The following EVC variants were observed in gnomAD, a reference collection of about 807,000 sequenced individuals.
EVC encodes the protein EvC ciliary complex subunit 1, also known as evC complex member EVC.
A neutral mutation model predicts 118.9 loss-of-function variants in EVC; 116 were observed. The ratio of observed to expected loss-of-function variants is 0.98; its 90% CI spans 0.84 to 1.14. EVC has a LOEUF of 1.14. Ranked by LOEUF, EVC falls within the 50% of genes most tolerant of loss-of-function variation. EVC has a pLI of 0.00. For missense variants in EVC, 1,401 were observed against 1,246.4 expected, an observed-to-expected ratio of 1.12 and a Z score of -1.87; for synonymous variants, 619 against 534.7, an observed-to-expected ratio of 1.16 and a Z score of -2.18.
chr4:5,724,651 G>T (rs1725510754), intron 2 of EVC, among the ~76,000 whole-genome samples: 1 of 151,940 alleles, frequency 6.6e-6, no homozygotes, highest in Non-Finnish European at 1.5e-5. Flanking sequence ...TCTGTGGCAG[G>T]GTCCTTGGAA....
chr4:5,725,726 G>A (rs746468936), intron 2 of EVC, among the ~76,000 whole-genome samples: 7 of 151,962 alleles, frequency 4.6e-5, no homozygotes, highest in Non-Finnish European at 8.8e-5. Flanking sequence ...TAATTAGATC[G>A]CATTTGTCAG....
rs146706283 is a variant in EVC at position 5,731,505 on chromosome 4, C to T, written c.465C>T (p.Ala155=). The part of the protein sequence containing the change: ...QAVLPHQPVE[A]SPSSSLGSLS... ...TTTTGCCACACCAGCCGGTAGAGGCCTCTCCTTCCAGCAGTCTGGGGAGCC... is the reference window on the plus strand; with the variant it reads ...TTTTGCCACACCAGCCGGTAGAGGCTTCTCCTTCCAGCAGTCTGGGGAGCC... The change falls in exon 4 of 21, where the codon GCC becomes GCT. Residue 155 remains alanine, a synonymous_variant. Coordinates refer to ENST00000264956, the MANE Select transcript of EVC (RefSeq NM_153717.3). The surrounding 1 kb of genome is among the most constrained non-coding windows in gnomAD (Gnocchi z 5.6). 5 of 1,614,026 alleles carry T rather than the reference C, an allele frequency of 3.1e-6. No homozygotes were observed. Among genetic ancestry groups the T allele is most frequent in the African/African-American group, 2.7e-5 (2 of 74,898 alleles).
chr4:5,784,891 A>T (rs1223554992), intron 12 of EVC, among the ~76,000 whole-genome samples: 1 of 152,194 alleles, frequency 6.6e-6, no homozygotes, highest in Non-Finnish European at 1.5e-5. Flanking sequence ...TACAGGCATG[A>T]GCCACTGTGC....
intron 11 of EVC, among the ~76,000 whole-genome samples, chr4:5,759,441 A>T (rs1577466226): frequency 6.6e-6 from 1 of 152,054 alleles, no homozygotes; most frequent in Non-Finnish European, 1.5e-5. Context: ...CTGGGGTTCA[A>T]ATTCCCAGCC....
chr4:5,732,996 C>A (rs968628360), intron 4 of EVC, among the ~76,000 whole-genome samples: 3 of 152,148 alleles, frequency 2.0e-5, no homozygotes, highest in Non-Finnish European at 2.9e-5. Context: ...GGAGACAGAG[C>A]AAAACCCTAT....
chr4:5,811,143 C>G lies in EVC; in HGVS notation c.*106C>G. On this transcript the variant is annotated 3_prime_UTR_variant, in exon 21 of 21. Transcript: ENST00000264956. ...GCAGCGAGGACGGAGAGGACAGCGGCATCTCTAGGCTCTTCTGAGAGGGAC... is the reference window on the plus strand; with the variant it reads ...GCAGCGAGGACGGAGAGGACAGCGGGATCTCTAGGCTCTTCTGAGAGGGAC... The G allele has an allele frequency of 1.2e-6, 1 of 850,222 alleles. No individual in the cohort carries two copies. The highest frequency in any genetic ancestry group is 2.0e-6 in the Non-Finnish European group (1 of 510,344). The allele number at this position is 850,222 out of a possible 1,614,324, so 52.7% of individuals were successfully genotyped here.
the EVC span, chr4:5,824,667 G>A: frequency 1.0e-6 from 1 of 961,222 alleles, no homozygotes; most frequent in Non-Finnish European, 1.2e-6. Context: ...CATCCTAGAT[G>A]TTGACATCCT....
chr4:5,791,224 T>C (rs1488352353), intron 12 of EVC, among the ~76,000 whole-genome samples: 1 of 152,206 alleles, frequency 6.6e-6, no homozygotes, highest in Admixed American at 6.5e-5. Context: ...AAGGTGGTCC[T>C]GGAACACAGC....
intron 13 of EVC, among the ~76,000 whole-genome samples, chr4:5,794,504 G>A (rs560725336): frequency 4.6e-5 from 7 of 150,712 alleles, no homozygotes; most frequent in East Asian, 1.9e-4. Flanking sequence ...TCTGCCTCCC[G>A]GGTTCAAGTG....
chr4:5,807,839 C>T (rs1716175009), intron 17 of EVC, among the ~76,000 whole-genome samples: 1 of 152,204 alleles, frequency 6.6e-6, no homozygotes, highest in Admixed American at 6.5e-5. Flanking sequence ...GAAGATGCCA[C>T]CTTCTGCTCC....
rs896046510 is a variant in EVC, at chr4:5,756,370, G to C, written c.1563+8G>C. 5 of 1,601,660 alleles carry C rather than the reference G, an allele frequency of 3.1e-6. No individual in the cohort carries two copies. The highest frequency in any genetic ancestry group is 4.3e-6 in the Non-Finnish European group (5 of 1,173,666). On this transcript the variant is annotated splice_region_variant and intron_variant, in intron 11 of 20. Coordinates refer to ENST00000264956, the MANE Select transcript of EVC (RefSeq NM_153717.3). This position sits in a 1 kb window ranked among gnomAD's most constrained non-coding sequence, Gnocchi z 4.2. ...GTGGTTGCACTCTGCCAGGTACATG[G>C]CCTCTGTGGGGACCAGCAGAGAAGC...
chr4:5,787,084 G>A (rs530022755), intron 12 of EVC, among the ~76,000 whole-genome samples: 1 of 152,286 alleles, frequency 6.6e-6, no homozygotes, highest in East Asian at 1.9e-4. Flanking sequence ...AAGACAGTGG[G>A]TCGTTTCATA....
intron 1 of EVC, among the ~76,000 whole-genome samples, chr4:5,714,789 T>TTTTTTTG (rs1363493985): frequency 2.6e-5 from 4 of 152,052 alleles, no homozygotes; most frequent in Non-Finnish European, 4.4e-5. Context: ...AGCTATTCTC[T>TTTTTTTG]TTTTTTGTTT....
intron 2 of EVC, among the ~76,000 whole-genome samples, chr4:5,724,697 GTTAT>G (rs1725522033): frequency 1.1e-5 from 1 of 92,254 alleles, no homozygotes; most frequent in East Asian, 2.5e-4. Flanking sequence ...GGTTTTCCCT[GTTAT>G]TTTTTTTTTT....
chr4:5,748,416 T>TAG, intron 8 of EVC, 110 bp downstream of exon 8: 1 of 1,251,028 alleles, frequency 8.0e-7, no homozygotes, highest in Non-Finnish European at 1.1e-6. Context: ...GCTGGTTATA[T>TAG]AGAGCCTCAG....
intron 11 of EVC, among the ~76,000 whole-genome samples, chr4:5,758,893 T>C (rs1731582015): frequency 6.6e-6 from 1 of 152,160 alleles, no homozygotes; most frequent in Admixed American, 6.5e-5. Flanking sequence ...AGCAATTTAT[T>C]GCAAAGGAGA....
At chr4:5,828,244 C>T in the EVC span, 1 of 985,446 alleles carries the variant, frequency 1.0e-6, no homozygotes, top group African/African-American at 1.7e-5. Context: ...GATCCACCCA[C>T]CCTCACGGGT....
chr4:5,805,888 TTTC>T (rs1364825485), intron 17 of EVC, among the ~76,000 whole-genome samples: 3 of 112,662 alleles, frequency 2.7e-5, no homozygotes, highest in African/African-American at 8.8e-5. Flanking sequence ...GGCAGTTTCT[TTTC>T]TTTTTTTTTT....
chr4:5,828,525 C>T, the EVC span: 33 of 1,614,222 alleles, frequency 2.0e-5, no homozygotes, highest in East Asian at 2.5e-4. Flanking sequence ...ACAGGTGCTC[C>T]GGGAACGCCT....
Sources: gnomAD v4.1 joint callset for allele counts (sites outside exome capture counted in the v4.1 genomes callset) on GRCh38, gnomAD v4.1.1 for gene constraint, Gnocchi (gnomAD v3.1) non-coding constraint, MANE v1.5 for transcripts, NCBI Gene and HGNC (gene_info 2026-07-23, HGNC 2026-07-21) for gene names.